Variants in CWC22 observed in about 807,000 individuals in gnomAD.
CWC22 encodes the protein pre-mRNA-splicing factor CWC22 homolog.
In CWC22, 53 loss-of-function variants were observed where a neutral mutation model predicts 117.2. That is an observed-to-expected ratio of 0.45 (90% CI 0.36 to 0.57). The LOEUF (loss-of-function observed/expected upper bound fraction) is 0.57, where lower values mean the gene tolerates loss of function less well. Ranked by LOEUF, CWC22 falls within the 20% of genes least tolerant of loss-of-function variation. The probability of loss-of-function intolerance (pLI) is 0.00; values close to 1 mark genes in which losing one functional copy is unlikely to be tolerated. For synonymous variants in CWC22, 360 were observed against 355.6 expected (o/e 1.01, Z -0.14); for missense variants, 980 against 1,068.8 (o/e 0.92, Z 1.16).
At chr2:179,956,513 T>C (rs1686595397) in intron 14 of CWC22, among the ~76,000 whole-genome samples, 1 of 151,226 alleles carries the variant, frequency 6.6e-6, no homozygotes, top group Admixed American at 6.6e-5. Flanking sequence ...CAAGGAACAA[T>C]CTACTCAAAG....
chr2:179,968,134 G>A (rs1686939263), intron 11 of CWC22, among the ~76,000 whole-genome samples: 1 of 152,148 alleles, frequency 6.6e-6, no homozygotes, highest in Admixed American at 6.5e-5. Context: ...TTTAAAAGAT[G>A]TGCATAACTC....
intron 13 of CWC22, among the ~76,000 whole-genome samples, 177 bp downstream of exon 13, chr2:179,964,370 A>G (rs1294937554): frequency 6.6e-6 from 1 of 152,202 alleles, no homozygotes; most frequent in Non-Finnish European, 1.5e-5. Flanking sequence ...ATTTGCCTAT[A>G]AAGCAAAGAA....
chr2:179,951,590 T>C (rs1686449417), intron 17 of CWC22, among the ~76,000 whole-genome samples: 2 of 152,038 alleles, frequency 1.3e-5, no homozygotes, highest in Non-Finnish European at 2.9e-5. Context: ...GACAGGAGAA[T>C]GCCAGCAGTG....
At chr2:179,966,847 A>C (rs2105523741) in intron 11 of CWC22, among the ~76,000 whole-genome samples, 1 of 152,324 alleles carries the variant, frequency 6.6e-6, no homozygotes, top group Non-Finnish European at 1.5e-5. Flanking sequence ...AATTCACTTT[A>C]AGAAAAATTC....
intron 1 of CWC22, among the ~76,000 whole-genome samples, chr2:179,996,056 C>G (rs1163709384): frequency 2.6e-5 from 4 of 152,192 alleles, no homozygotes; most frequent in African/African-American, 9.7e-5. Flanking sequence ...TGAACTGCTG[C>G]TCAAGAGACT....
At chr2:179,962,803 T>C (rs1430408818) in intron 13 of CWC22, among the ~76,000 whole-genome samples, 1 of 152,142 alleles carries the variant, frequency 6.6e-6, no homozygotes, top group African/African-American at 2.4e-5. Context: ...TTGCCAGATT[T>C]TGAATGTTGT....
intron 11 of CWC22, among the ~76,000 whole-genome samples, 192 bp from the exon 12 acceptor site, chr2:179,966,174 G>C (rs1172815882): frequency 1.3e-5 from 2 of 151,542 alleles, no homozygotes; most frequent in African/African-American, 4.8e-5. Flanking sequence ...TGACTAAAGA[G>C]AGCTGTATGT....
At chr2:179,975,161 C>A (rs532086647) in intron 6 of CWC22, among the ~76,000 whole-genome samples, 1 of 152,208 alleles carries the variant, frequency 6.6e-6, no homozygotes, top group South Asian at 2.1e-4. Context: ...TTTTCTGACC[C>A]TTTTAAATAT....
chr2:179,993,445 C>A lies in CWC22; in HGVS notation c.-104G>T. ...CTTGACAGTTTACTTTTTCTGTCTGCAAACATCACCTATAAAATATACCAA... is the reference window on the plus strand; with the variant it reads ...CTTGACAGTTTACTTTTTCTGTCTGAAAACATCACCTATAAAATATACCAA... On this transcript the variant is annotated 5_prime_UTR_variant, in exon 2 of 20. Coordinates refer to ENST00000410053, the MANE Select transcript of CWC22 (RefSeq NM_020943.3). The A allele has an allele frequency of 2.7e-6, 2 of 751,728 alleles. No individual in the cohort carries two copies. Among genetic ancestry groups the A allele is most frequent in the South Asian group, 1.5e-5 (1 of 64,936 alleles). The allele number at this position is 751,728 out of a possible 1,614,324, so 46.6% of individuals were successfully genotyped here. A position where few individuals can be genotyped will look rare whatever the true frequency, so the allele number is the denominator to read the frequency against.
At chr2:180,003,679 C>G (rs544336448) in intron 1 of CWC22, among the ~76,000 whole-genome samples, 1 of 152,228 alleles carries the variant, frequency 6.6e-6, no homozygotes, top group South Asian at 2.1e-4. Flanking sequence ...GAAGGACTCA[C>G]AGGGTAACTT....
chr2:179,956,071 A>C (rs1186343094), intron 14 of CWC22, among the ~76,000 whole-genome samples: 1 of 151,972 alleles, frequency 6.6e-6, no homozygotes, highest in African/African-American at 2.4e-5. Flanking sequence ...TTATATTTTC[A>C]ATGAACAATT....
At chr2:179,959,808 G>A (rs1686699749) in intron 13 of CWC22, among the ~76,000 whole-genome samples, 3 of 152,030 alleles carry the variant, frequency 2.0e-5, no homozygotes, top group Non-Finnish European at 4.4e-5. Flanking sequence ...TGCCTATGTG[G>A]TCTATTGTTG....
intron 1 of CWC22, among the ~76,000 whole-genome samples, chr2:180,000,451 G>A (rs1687818136): frequency 6.6e-6 from 1 of 152,208 alleles, no homozygotes; most frequent in Non-Finnish European, 1.5e-5. Flanking sequence ...GTTTTGACTA[G>A]AGGATGTTAC....
At chr2:179,962,852 T>C (rs1002400770) in intron 13 of CWC22, among the ~76,000 whole-genome samples, 8 of 152,242 alleles carry the variant, frequency 5.3e-5, no homozygotes, top group African/African-American at 1.9e-4. Context: ...GAGATAGATA[T>C]GGTAATTACC....
intron 5 of CWC22, 70 bp downstream of exon 5, chr2:179,981,678 GTTAA>G (rs1687291291): frequency 3.1e-6 from 4 of 1,277,546 alleles, no homozygotes; most frequent in Non-Finnish European, 4.4e-6. Flanking sequence ...AAGAACCAGG[GTTAA>G]TTAAACCACA....
chr2:179,980,916 C>T (rs950230606), intron 5 of CWC22, among the ~76,000 whole-genome samples: 1 of 152,158 alleles, frequency 6.6e-6, no homozygotes, highest in African/African-American at 2.4e-5. Context: ...GTTATCAACT[C>T]ATCCTATTAG....
intron 1 of CWC22, among the ~76,000 whole-genome samples, chr2:180,003,809 T>TA (rs1291986970): frequency 6.6e-6 from 1 of 152,180 alleles, no homozygotes; most frequent in Non-Finnish European, 1.5e-5. Flanking sequence ...CCACAGGAGT[T>TA]AATATGTCCC....
chr2:179,975,879 G>A (rs1254461442), intron 6 of CWC22, among the ~76,000 whole-genome samples: 4 of 152,044 alleles, frequency 2.6e-5, no homozygotes, highest in African/African-American at 7.2e-5. Flanking sequence ...TTCCAGTTAC[G>A]TTTTTCACAG....
rs186645704 is a variant in CWC22 at position 179,965,371 on chromosome 2, G to C, written c.1315+507C>G. ...TGTGCCTTAACCAAAGTAAAGTTCC[G>C]AGCTTATTTCTGTGAAATAAGGTAA... On this transcript the variant is annotated intron_variant, in intron 12 of 19. Transcript: ENST00000410053. 6.3e-4 allele frequency among the ~76,000 whole-genome samples: 96 copies of C among 152,100 alleles called. 2 individuals carry two copies. In the East Asian group the frequency reaches 0.017, roughly 28 times the overall value.
Sources: gnomAD v4.1 joint callset for allele counts (sites outside exome capture counted in the v4.1 genomes callset) on GRCh38, gnomAD v4.1.1 for gene constraint, MANE v1.5 for transcripts, NCBI Gene and HGNC (gene_info 2026-07-23, HGNC 2026-07-21) for gene names.